Variants in DPP10 observed in about 807,000 individuals in gnomAD.
DPP10 encodes the protein dipeptidyl peptidase like 10, also known as inactive dipeptidyl peptidase 10.
DPP10 carries 33 observed loss-of-function variants against 120.9 expected under a neutral mutation model. That is an observed-to-expected ratio of 0.27 (90% CI 0.21 to 0.37). The LOEUF is 0.37. DPP10 is among the 10% of genes least tolerant of loss of function. The pLI is 1.00. For synonymous variants in DPP10, 337 were observed against 326.1 expected, an observed-to-expected ratio of 1.03 and a Z score of -0.36; for missense variants, 816 against 942.8, an observed-to-expected ratio of 0.87 and a Z score of 1.76.
At chr2:114,760,367 A>G (rs2106096967) in intron 1 of DPP10, among the ~76,000 whole-genome samples, 2 of 152,254 alleles carry the variant, frequency 1.3e-5, no homozygotes, top group South Asian at 4.1e-4. Flanking sequence ...TGGCTCCTCA[A>G]CTTGAGGTGA....
chr2:114,732,056 G>A (rs1676971936), intron 1 of DPP10, among the ~76,000 whole-genome samples: 1 of 152,174 alleles, frequency 6.6e-6, no homozygotes, highest in Non-Finnish European at 1.5e-5. Flanking sequence ...GAAGACAGCT[G>A]GAAACTGGGT....
chr2:115,768,605 G>C (rs1230458428), intron 13 of DPP10, among the ~76,000 whole-genome samples: 1 of 152,062 alleles, frequency 6.6e-6, no homozygotes, highest in South Asian at 2.1e-4. Context: ...TCAACACTCA[G>C]TACAATTTAA....
At chr2:115,045,624 T>C (rs892367214) in intron 1 of DPP10, among the ~76,000 whole-genome samples, 9 of 152,332 alleles carry the variant, frequency 5.9e-5, no homozygotes, top group African/African-American at 2.2e-4. Flanking sequence ...ACTGATTTTC[T>C]TTCTGTGCCA....
rs559631430 is a variant in DPP10, at chr2:115,288,198, A to T, written c.61-21041A>T. 6.0e-5 allele frequency among the ~76,000 whole-genome samples: 9 copies of T among 149,586 alleles called. No individual in the cohort carries two copies. In the South Asian group the frequency reaches 8.5e-4, roughly 14 times the overall value. Reference sequence around the variant, plus strand: ...CAACATTTACTGTTTTTTAATTTAAATTTTTTTTTTCATAATGACCATTCT... The same window carrying T: ...CAACATTTACTGTTTTTTAATTTAATTTTTTTTTTTCATAATGACCATTCT... On this transcript the variant is annotated intron_variant, in intron 1 of 25. Transcript: ENST00000410059.
At chr2:115,291,043 G>A (rs1036946640) in intron 1 of DPP10, among the ~76,000 whole-genome samples, 3 of 151,986 alleles carry the variant, frequency 2.0e-5, no homozygotes, top group African/African-American at 7.2e-5. Context: ...TCGCTCTGTT[G>A]CCCAGGCTGG....
At chr2:114,988,494 C>A (rs1320553381) in intron 1 of DPP10, among the ~76,000 whole-genome samples, 1 of 152,014 alleles carries the variant, frequency 6.6e-6, no homozygotes, top group East Asian at 1.9e-4. Flanking sequence ...CATTTTTTTT[C>A]TCATCTACTG....
intron 5 of DPP10, among the ~76,000 whole-genome samples, chr2:115,576,175 G>A (rs1004941689): frequency 6.6e-6 from 1 of 152,148 alleles, no homozygotes; most frequent in African/African-American, 2.4e-5. Context: ...AATACAATGA[G>A]CTATCAAAAA....
chr2:114,692,789 T>C (rs1015221702), intron 1 of DPP10, among the ~76,000 whole-genome samples: 3 of 151,960 alleles, frequency 2.0e-5, no homozygotes, highest in Admixed American at 6.6e-5. Flanking sequence ...TATATTTTAG[T>C]ATAGTTAGCT....
rs533423705 is a variant in DPP10 at position 115,268,109 on chromosome 2, G to A, written c.61-41130G>A. On this transcript the variant is annotated intron_variant, in intron 1 of 25. Transcript: ENST00000410059. ...AAAAACTTCATATGCTTTGATGCTG[G>A]GGAGGATGCCTCACTCATTGTTGTA... is the stretch of plus-strand genomic sequence containing the variant. Among the ~76,000 whole-genome samples the A allele has an allele frequency of 4.6e-5, 7 of 152,232 alleles. No homozygotes were observed. The East Asian group carries it at 1.4e-3, about 29-fold the overall frequency.
intron 1 of DPP10, among the ~76,000 whole-genome samples, chr2:114,959,765 G>A (rs1698474260): frequency 6.6e-6 from 1 of 152,090 alleles, no homozygotes; most frequent in African/African-American, 2.4e-5. Context: ...ACTGTTCTGT[G>A]GGATATGCAG....
intron 1 of DPP10, chr2:115,233,887 G>A (rs2057865397): frequency 3.9e-6 from 2 of 509,836 alleles, no homozygotes; most frequent in Admixed American, 2.0e-5. Context: ...CTGCTCACCT[G>A]TCTCTCCCTT....
chr2:115,042,672 TAGAG>T (rs1456057094), intron 1 of DPP10, among the ~76,000 whole-genome samples: 5 of 152,314 alleles, frequency 3.3e-5, no homozygotes, highest in African/African-American at 2.4e-5. Context: ...AGGCAAGAGA[TAGAG>T]AGGACAAATG....
At chr2:115,430,821 T>C (rs1360927739) in intron 3 of DPP10, among the ~76,000 whole-genome samples, 5 of 152,192 alleles carry the variant, frequency 3.3e-5, no homozygotes, top group Non-Finnish European at 5.9e-5. Context: ...CTCTGTGTTT[T>C]ACTGCTCACT....
At chr2:115,456,695 C>A (rs1046040202) in intron 3 of DPP10, among the ~76,000 whole-genome samples, 3 of 152,084 alleles carry the variant, frequency 2.0e-5, no homozygotes, top group African/African-American at 7.2e-5. Context: ...TCATTCTCAG[C>A]AAACTAACAC....
At chr2:115,654,576 G>A (rs565411417) in intron 5 of DPP10, among the ~76,000 whole-genome samples, 3 of 151,966 alleles carry the variant, frequency 2.0e-5, no homozygotes, top group South Asian at 2.1e-4. Context: ...TTATTATTTA[G>A]GGATTGGGGT....
intron 1 of DPP10, among the ~76,000 whole-genome samples, chr2:114,565,689 A>C (rs1462071490): frequency 2.0e-5 from 3 of 152,172 alleles, no homozygotes; most frequent in African/African-American, 7.2e-5. Flanking sequence ...TGCTAAATAA[A>C]TTCCTATCCC....
intron 1 of DPP10, among the ~76,000 whole-genome samples, chr2:114,663,658 T>TAG (rs1385374204): frequency 0.024 from 2,154 of 90,972 alleles, 32 homozygotes; most frequent in South Asian, 0.035. Context: ...TATATATATA[T>TAG]ATATATATAT....
chr2:115,358,179 TCATATCATCAGGCTA>T (rs1278762117), intron 3 of DPP10, among the ~76,000 whole-genome samples: 1 of 152,148 alleles, frequency 6.6e-6, no homozygotes, highest in Non-Finnish European at 1.5e-5. Flanking sequence ...TTCTTTTCTA[TCATATCATCAGGCTA>T]CAAATTCCCA....
intron 1 of DPP10, among the ~76,000 whole-genome samples, chr2:114,490,041 C>G (rs1221528476): frequency 6.6e-6 from 1 of 152,114 alleles, no homozygotes; most frequent in Non-Finnish European, 1.5e-5. Context: ...TTTATAAGAC[C>G]AGTATGACTT....
Sources: allele counts gnomAD v4.1 joint callset (sites outside exome capture counted in the v4.1 genomes callset), GRCh38; gene constraint gnomAD v4.1.1; transcripts MANE v1.5; gene names NCBI Gene and HGNC (gene_info 2026-07-23, HGNC 2026-07-21).